The following PRKCA variants were observed in gnomAD, a reference collection of about 807,000 sequenced individuals.
PRKCA encodes protein kinase C alpha type.
In PRKCA, 27 loss-of-function variants were observed where a neutral mutation model predicts 87.0. The ratio of observed to expected loss-of-function variants is 0.31; its 90% CI spans 0.23 to 0.43. The LOEUF (loss-of-function observed/expected upper bound fraction) is 0.43. Ranked by LOEUF, PRKCA falls within the 20% of genes least tolerant of loss-of-function variation. The pLI, the probability that PRKCA is intolerant of heterozygous loss-of-function variation, is 1.00. For missense variants in PRKCA, 518 were observed against 852.3 expected, an observed-to-expected ratio of 0.61 and a Z score of 4.88; for synonymous variants, 329 against 311.1, an observed-to-expected ratio of 1.06 and a Z score of -0.61.
chr17:66,413,742 G>T (rs1441113884), intron 2 of PRKCA, among the ~76,000 whole-genome samples: 1 of 152,124 alleles, frequency 6.6e-6, no homozygotes, highest in Non-Finnish European at 1.5e-5. Flanking sequence ...GGCTGGGTGT[G>T]GTGGTTCACG....
At position 66,774,481 on chromosome 17, in the gene PRKCA, C is replaced by T. The variant is rs549801844; in HGVS notation, c.1605+414C>T. ...ACTAAAAATACAAAAATTAGCCAGGCGTGGTGGTGCACATCTGTAAACTCA... is the reference window on the plus strand; with the variant it reads ...ACTAAAAATACAAAAATTAGCCAGGTGTGGTGGTGCACATCTGTAAACTCA... On this transcript the variant is annotated intron_variant, in intron 14 of 16. Transcript: ENST00000413366. 154 of 695,514 alleles carry T rather than the reference C, an allele frequency of 2.2e-4. 1 individual carries two copies. Among genetic ancestry groups the T allele is most frequent in the Admixed American group, 7.2e-4 (15 of 20,890 alleles). The allele number at this position is 695,514 out of a possible 1,614,324, so 43.1% of individuals were successfully genotyped here.
chr17:66,806,027 C>T lies in PRKCA; in HGVS notation c.*1990C>T, dbSNP rs1976025145. The T allele has an allele frequency of 6.6e-6, 1 of 152,314 alleles. No individual in the cohort carries two copies. The highest frequency in any genetic ancestry group is 6.5e-5 in the Admixed American group (1 of 15,290). 9.4% of individuals were successfully genotyped at this position (152,314 alleles called of 1,614,324 possible). Reference sequence around the variant, plus strand: ...GTGCTTTTCAGAGGCTGCGGACTTTCTTCCAGCCATTGTGGCATTGGCCTT... The same window carrying T: ...GTGCTTTTCAGAGGCTGCGGACTTTTTTCCAGCCATTGTGGCATTGGCCTT... On this transcript the variant is annotated 3_prime_UTR_variant, in exon 17 of 17. Coordinates refer to ENST00000413366, the MANE Select transcript of PRKCA (RefSeq NM_002737.3).
At chr17:66,637,936 A>G (rs1382964414) in intron 3 of PRKCA, among the ~76,000 whole-genome samples, 2 of 152,146 alleles carry the variant, frequency 1.3e-5, no homozygotes, top group African/African-American at 4.8e-5. Flanking sequence ...GGCTTGGCAA[A>G]CTTTTCCTAA....
In PRKCA at chr17:66,472,029, A is replaced by T. The variant is rs568857119; in HGVS notation, c.206-24172A>T. Among the ~76,000 whole-genome samples the T allele has an allele frequency of 1.6e-4, 24 of 152,332 alleles. No homozygotes were observed. In the South Asian group the frequency reaches 4.8e-3, roughly 30 times the overall value. ...CGGGCAGGAATGCAGTGGCTCCATC[A>T]TAGATCACTGCAGCCTGGAACTCCT... On this transcript the variant is annotated intron_variant, in intron 2 of 16. Transcript: ENST00000413366.
In PRKCA at chr17:66,442,640, C is replaced by T. The variant is rs577000763; in HGVS notation, c.206-53561C>T. Reference sequence around the variant, plus strand: ...CACTTTTTCTTCATAGCCTCCATCCCAGCTGTAATGCAGAATTTTGTTTGA... The same window carrying T: ...CACTTTTTCTTCATAGCCTCCATCCTAGCTGTAATGCAGAATTTTGTTTGA... On this transcript the variant is annotated intron_variant, in intron 2 of 16. Coordinates refer to ENST00000413366, the MANE Select transcript of PRKCA (RefSeq NM_002737.3). Among the ~76,000 whole-genome samples, 3 of 152,272 alleles carry T rather than the reference C, an allele frequency of 2.0e-5. No individual in the cohort carries two copies. The South Asian group carries it at 6.2e-4, about 32-fold the overall frequency.
Position 66,671,525 on chromosome 17 carries a change from G to A in PRKCA, c.530-15586G>A, listed in dbSNP as rs7213518. Among the ~76,000 whole-genome samples the A allele has an allele frequency of 2.4e-3, 359 of 152,294 alleles. 2 individuals are homozygous for A. Among genetic ancestry groups the A allele is most frequent in the African/African-American group, 8.5e-3 (355 of 41,550 alleles). On this transcript the variant is annotated intron_variant, in intron 5 of 16. Coordinates refer to ENST00000413366, the MANE Select transcript of PRKCA (RefSeq NM_002737.3). ...TTATCAGGTACGTACTTGTGGGTAC[G>A]AATATTGAGGATAAGGTAACAGATT...
chr17:66,564,770 G>A (rs764462406), intron 3 of PRKCA, among the ~76,000 whole-genome samples: 5 of 151,974 alleles, frequency 3.3e-5, no homozygotes, highest in African/African-American at 4.8e-5. Flanking sequence ...TCACGAGGTC[G>A]GGAGTTCAAG....
intron 5 of PRKCA, among the ~76,000 whole-genome samples, chr17:66,665,923 G>C (rs1352973442): frequency 6.6e-6 from 1 of 152,184 alleles, no homozygotes; most frequent in Non-Finnish European, 1.5e-5. Context: ...GTGGCGTGTA[G>C]CTCATTTTGG....
rs1268088888 is a variant in PRKCA at position 66,587,173 on chromosome 17, A to G, written c.289-54182A>G. 3.3e-5 allele frequency among the ~76,000 whole-genome samples: 5 copies of G among 152,290 alleles called. No individual in the cohort carries two copies. The South Asian group carries it at 1.0e-3, about 32-fold the overall frequency. ...AGGTCTGATCTCTTCCCGTTTTCCT[A>G]CAGTTCTATGAACATTTCTTTCTAA... On this transcript the variant is annotated intron_variant, in intron 3 of 16. Coordinates refer to ENST00000413366, the MANE Select transcript of PRKCA (RefSeq NM_002737.3).
intron 5 of PRKCA, among the ~76,000 whole-genome samples, chr17:66,674,843 C>T (rs1972283593): frequency 1.3e-5 from 2 of 152,208 alleles, no homozygotes; most frequent in Admixed American, 6.5e-5. Context: ...CCACAACCAA[C>T]TCTCACCTGT....
rs183885318 is a variant in PRKCA at position 66,456,828 on chromosome 17, G to A, written c.206-39373G>A. Among the ~76,000 whole-genome samples, 188 of 152,304 alleles carry A rather than the reference G, an allele frequency of 1.2e-3. 1 individual carries two copies. The highest frequency in any genetic ancestry group is 4.1e-3 in the African/African-American group (171 of 41,572). On this transcript the variant is annotated intron_variant, in intron 2 of 16. Transcript: ENST00000413366. ...CTGTAGCTGTTTTGCTAAGGAGCCC[G>A]TACTAGCCTTGGAGGAACAGCTTTC...
chr17:66,323,094 A>T (rs539463131), intron 2 of PRKCA, among the ~76,000 whole-genome samples: 3 of 152,284 alleles, frequency 2.0e-5, no homozygotes, highest in Non-Finnish European at 2.9e-5. Flanking sequence ...ATAATTGCAA[A>T]TGTCCTTAAA....
chr17:66,762,837 C>G (rs1974715573), intron 13 of PRKCA, among the ~76,000 whole-genome samples: 1 of 152,188 alleles, frequency 6.6e-6, no homozygotes, highest in African/African-American at 2.4e-5. Flanking sequence ...CTCTCTTACC[C>G]AGGCCGGAGT....
chr17:66,314,834 A>G (rs1435907424), intron 2 of PRKCA, among the ~76,000 whole-genome samples: 2 of 151,740 alleles, frequency 1.3e-5, no homozygotes, highest in East Asian at 3.9e-4. Flanking sequence ...AATCTCTACG[A>G]TAGAATTTCT....
At chr17:66,500,411 T>C (rs985422731) in intron 3 of PRKCA, among the ~76,000 whole-genome samples, 1 of 152,162 alleles carries the variant, frequency 6.6e-6, no homozygotes, top group African/African-American at 2.4e-5. Flanking sequence ...CATGAAGGCA[T>C]TGGGAGGTAG....
rs544239308 is a variant in PRKCA, at chr17:66,468,947, GTTCCC to G, written c.206-27250_206-27246del. Among the ~76,000 whole-genome samples the G allele has an allele frequency of 3.3e-3, 509 of 152,298 alleles. 2 individuals carry two copies. The highest frequency in any genetic ancestry group is 4.7e-3 in the Non-Finnish European group (321 of 68,030). On this transcript the variant is annotated intron_variant, in intron 2 of 16. Coordinates refer to ENST00000413366, the MANE Select transcript of PRKCA (RefSeq NM_002737.3). ...TGTTGAAGGGAAGTAGCTCAGCCCA[GTTCCC>G]TTCTGGGCCACCACTTTCAACTGTA...
chr17:66,587,889 G>GTATATATA (rs1231113103), intron 3 of PRKCA, among the ~76,000 whole-genome samples: 7 of 94,228 alleles, frequency 7.4e-5, no homozygotes, highest in Admixed American at 1.1e-4. Context: ...GTGTGTGTGT[G>GTATATATA]TGTGTGTATA....
intron 16 of PRKCA, among the ~76,000 whole-genome samples, chr17:66,798,125 A>G (rs1424313036): frequency 1.3e-5 from 2 of 151,854 alleles, no homozygotes; most frequent in Non-Finnish European, 2.9e-5. Flanking sequence ...TTACTCATTC[A>G]CTTGGCGTTC....
intron 2 of PRKCA, among the ~76,000 whole-genome samples, chr17:66,457,814 C>T (rs182179606): frequency 6.6e-6 from 1 of 152,232 alleles, no homozygotes; most frequent in East Asian, 1.9e-4. Flanking sequence ...GTCAATTAAA[C>T]CTCTTCTTTT....
Sources: gnomAD v4.1 joint callset for allele counts (sites outside exome capture counted in the v4.1 genomes callset) on GRCh38, gnomAD v4.1.1 for gene constraint, MANE v1.5 for transcripts, NCBI Gene and HGNC (gene_info 2026-07-23, HGNC 2026-07-21) for gene names.